Variants in MAP3K19 observed in about 807,000 individuals in gnomAD.
The protein encoded by MAP3K19 is mitogen-activated protein kinase kinase kinase 19, also known as SPS1/STE20-related protein kinase YSK4.
MAP3K19 carries 91 observed loss-of-function variants against 114.4 expected under a neutral mutation model. The ratio of observed to expected loss-of-function variants is 0.80; its 90% CI spans 0.67 to 0.95. The LOEUF is 0.95. Among genes scored for constraint, MAP3K19 ranks in the 40% least tolerant of loss-of-function variants. The probability of loss-of-function intolerance (pLI) is 0.00; values close to 1 mark genes in which losing one functional copy is unlikely to be tolerated. For missense variants in MAP3K19, 1,471 were observed against 1,573.2 expected, an observed-to-expected ratio of 0.94 and a Z score of 1.10; for synonymous variants, 518 against 530.5, an observed-to-expected ratio of 0.98 and a Z score of 0.32.
At chr2:135,032,310 T>C (rs1182697010) in intron 2 of MAP3K19, among the ~76,000 whole-genome samples, 1 of 149,174 alleles carries the variant, frequency 6.7e-6, no homozygotes, top group African/African-American at 2.5e-5. Context: ...TGAGCTGAGA[T>C]TGCACCACTG....
At chr2:134,975,969 A>G (rs6719842) in intron 12 of MAP3K19, among the ~76,000 whole-genome samples, 1 of 152,182 alleles carries the variant, frequency 6.6e-6, no homozygotes, top group African/African-American at 2.4e-5. Context: ...TGGGGAGCAC[A>G]TGCTTTGGCT....
At position 134,986,230 on chromosome 2, in the gene MAP3K19, A is replaced by C. The variant is rs771233861; in HGVS notation, c.2642T>G (p.Val881Gly). Residue 881 changes from valine to glycine, a missense_variant, in exon 10 of 13, where the codon GTA (valine) becomes GGA (glycine). Coordinates refer to ENST00000392915, the MANE Select transcript of MAP3K19 (RefSeq NM_025052.5). ...EKQNTASLSK[V>G]NASRILTNDL... Reference sequence around the variant, plus strand: ...ATTAGTTAAAATTCGGCTGGCATTTACTTTACTAAGAGATGCTGTATTCTG... The same window carrying C: ...ATTAGTTAAAATTCGGCTGGCATTTCCTTTACTAAGAGATGCTGTATTCTG... 1 of 1,614,058 alleles carries C rather than the reference A, an allele frequency of 6.2e-7. No homozygotes were observed. Among genetic ancestry groups the C allele is most frequent in the East Asian group, 2.2e-5 (1 of 44,882 alleles).
At position 134,972,542 on chromosome 2, in the gene MAP3K19, T is replaced by G. The variant is rs558761597; in HGVS notation, c.3921-7626A>C. ...GGTGCAATCATGGCTTACTGCAGTC[T>G]CGAACTCTTGGGTTCAAGCAATCCT... On this transcript the variant is annotated intron_variant, in intron 12 of 12. Coordinates refer to ENST00000392915, the MANE Select transcript of MAP3K19 (RefSeq NM_025052.5). 2.0e-5 allele frequency among the ~76,000 whole-genome samples: 3 copies of G among 152,306 alleles called. No individual in the cohort carries two copies. In the East Asian group the frequency reaches 5.8e-4, roughly 29 times the overall value.
In MAP3K19 at chr2:134,970,856, C is replaced by T. The variant is rs185851145; in HGVS notation, c.3921-5940G>A. ...TCATGATCTGCCTGCCTTAGCCCCA[C>T]AAAGTGCTGGGATTACAGGCATGAG... On this transcript the variant is annotated intron_variant, in intron 12 of 12. Transcript: ENST00000392915. 2.0e-3 allele frequency among the ~76,000 whole-genome samples: 301 copies of T among 152,322 alleles called. 4 individuals carry two copies. Among genetic ancestry groups the T allele is most frequent in the Admixed American group, 0.012 (187 of 15,306 alleles).
chr2:135,007,041 G>A (rs540856439), intron 5 of MAP3K19, among the ~76,000 whole-genome samples: 2 of 151,828 alleles, frequency 1.3e-5, no homozygotes, highest in East Asian at 3.9e-4. Context: ...GCACGTGCCT[G>A]TAGTCCCAAC....
intron 5 of MAP3K19, among the ~76,000 whole-genome samples, chr2:135,013,274 C>T (rs1020506260): frequency 1.3e-5 from 2 of 150,780 alleles, no homozygotes; most frequent in South Asian, 2.1e-4. Flanking sequence ...GAGCCAAGAT[C>T]GCGCTCCAGC....
rs553086438 is a variant in MAP3K19 at position 135,030,438 on chromosome 2, G to T, written c.-221C>A. ...TATTGCAATTAGCTACATGAATTGCGGTTCGATTGCTGTAATTGCAAAGGG... is the reference window on the plus strand; with the variant it reads ...TATTGCAATTAGCTACATGAATTGCTGTTCGATTGCTGTAATTGCAAAGGG... On this transcript the variant is annotated 5_prime_UTR_variant, in exon 3 of 13. Transcript: ENST00000392915. The T allele has an allele frequency of 5.9e-5, 9 of 152,640 alleles. No homozygotes were observed. The South Asian group carries it at 1.9e-3, about 32-fold the overall frequency. The allele number at this position is 152,640 out of a possible 1,614,324, so 9.5% of individuals were successfully genotyped here. A position where few individuals can be genotyped will look rare whatever the true frequency, so the allele number is the denominator to read the frequency against.
At chr2:135,037,724 G>A (rs904146548) in intron 2 of MAP3K19, among the ~76,000 whole-genome samples, 28 of 152,148 alleles carry the variant, frequency 1.8e-4, no homozygotes, top group African/African-American at 6.8e-4. Flanking sequence ...GCAAAGAGTA[G>A]CTTTGCTCAC....
chr2:134,991,465 T>C, intron 9 of MAP3K19, 72 bp downstream of exon 9: 1 of 1,315,922 alleles, frequency 7.6e-7, no homozygotes, highest in Non-Finnish European at 1.1e-6. Context: ...TTGCTGAGGA[T>C]TTGGTTCTAA....
intron 1 of MAP3K19, among the ~76,000 whole-genome samples, chr2:135,044,067 A>G (rs1688694356): frequency 6.6e-6 from 1 of 152,254 alleles, no homozygotes; most frequent in Admixed American, 6.5e-5. Flanking sequence ...GTGAAGTTAC[A>G]TAATAATAAC....
At chr2:134,983,458 C>T in intron 11 of MAP3K19, 1 of 589,104 alleles carries the variant, frequency 1.7e-6, no homozygotes, top group South Asian at 1.9e-5. Flanking sequence ...GCCTCCTGGA[C>T]CCAGAGCCAG....
chr2:134,986,403 G>A lies in MAP3K19; in HGVS notation c.2469C>T (p.Asp823=). The A allele has an allele frequency of 1.2e-6, 2 of 1,613,800 alleles. No individual in the cohort carries two copies. Among genetic ancestry groups the A allele is most frequent in the Non-Finnish European group, 1.7e-6 (2 of 1,179,996 alleles). Reference sequence around the variant, plus strand: ...TGGTGAGTATTTGATTGTTAGAAATGTCTCTATCACCAGTAGACTCTTCCA... The same window carrying A: ...TGGTGAGTATTTGATTGTTAGAAATATCTCTATCACCAGTAGACTCTTCCA... ...VSMEESTGDR[D]ISNNQILTTS... Residue 823 remains aspartate (D), a synonymous_variant, in exon 10 of 13, where the codon GAC becomes GAT. Coordinates refer to ENST00000392915, the MANE Select transcript of MAP3K19 (RefSeq NM_025052.5).
chr2:134,968,103 C>T (rs181419855), intron 12 of MAP3K19, among the ~76,000 whole-genome samples: 3,478 of 152,278 alleles, frequency 0.023, 134 homozygotes, highest in African/African-American at 0.08. Flanking sequence ...CAACAAAGCA[C>T]ATCTTGCACC....
At chr2:134,985,675 G>T in intron 10 of MAP3K19, 125 bp downstream of exon 10, 1 of 844,242 alleles carries the variant, frequency 1.2e-6, no homozygotes, top group Non-Finnish European at 1.7e-6. Context: ...CAAACAGTGA[G>T]ACCTTGAAAA....
At chr2:134,982,025 C>T (rs372905522) in intron 11 of MAP3K19, among the ~76,000 whole-genome samples, 4 of 149,182 alleles carry the variant, frequency 2.7e-5, no homozygotes, top group East Asian at 2.0e-4. Context: ...CTGAGCAGCT[C>T]GTAGCTAGGA....
intron 1 of MAP3K19, among the ~76,000 whole-genome samples, chr2:135,041,639 T>C (rs1688647502): frequency 6.6e-6 from 1 of 152,220 alleles, no homozygotes; most frequent in Non-Finnish European, 1.5e-5. Context: ...TGGAGTCTCT[T>C]GCTGTTAGTA....
At chr2:134,997,521 A>T (rs549227896) in intron 8 of MAP3K19, among the ~76,000 whole-genome samples, 72 of 152,188 alleles carry the variant, frequency 4.7e-4, no homozygotes, top group Middle Eastern at 6.8e-3. Context: ...TTAGCATAAT[A>T]AAACAAAAAA....
chr2:135,013,058 G>A (rs993880902), intron 5 of MAP3K19, among the ~76,000 whole-genome samples: 4 of 152,020 alleles, frequency 2.6e-5, no homozygotes, highest in African/African-American at 7.2e-5. Flanking sequence ...AGTGGCTCTC[G>A]CCTGTAATCC....
intron 10 of MAP3K19, among the ~76,000 whole-genome samples, chr2:134,984,950 T>G (rs1684988861): frequency 6.6e-6 from 1 of 152,194 alleles, no homozygotes; most frequent in Non-Finnish European, 1.5e-5. Flanking sequence ...AGACTCCATC[T>G]CAAAAAAAAA....
Sources: gnomAD v4.1 joint callset for allele counts (sites outside exome capture counted in the v4.1 genomes callset) on GRCh38, gnomAD v4.1.1 for gene constraint, MANE v1.5 for transcripts, NCBI Gene and HGNC (gene_info 2026-07-23, HGNC 2026-07-21) for gene names.